Variants in TNRC6B observed in about 807,000 individuals in gnomAD.
TNRC6B encodes trinucleotide repeat-containing gene 6B protein.
TNRC6B carries 52 observed loss-of-function variants against 203.6 expected under a neutral mutation model. That is an observed-to-expected ratio of 0.26 (90% confidence interval 0.20 to 0.32). The LOEUF (loss-of-function observed/expected upper bound fraction) is 0.32, where lower values mean the gene tolerates loss of function less well. Ranked by LOEUF, TNRC6B falls within the 10% of genes least tolerant of loss-of-function variation. The pLI, the probability that TNRC6B is intolerant of heterozygous loss-of-function variation, is 1.00. For missense variants in TNRC6B, 1,923 were observed against 2,286.2 expected, an observed-to-expected ratio of 0.84 and a Z score of 3.24; for synonymous variants, 838 against 845.7, an observed-to-expected ratio of 0.99 and a Z score of 0.16.
At chr22:40,223,735 A>G (rs1489266884) in intron 1 of TNRC6B, among the ~76,000 whole-genome samples, 1 of 152,200 alleles carries the variant, frequency 6.6e-6, no homozygotes, top group Admixed American at 6.5e-5. Context: ...TATCCTTTGC[A>G]TATATAATTT....
At chr22:40,059,380 TG>T (rs1368495083) in intron 1 of TNRC6B, among the ~76,000 whole-genome samples, 3 of 152,260 alleles carry the variant, frequency 2.0e-5, no homozygotes, top group Non-Finnish European at 2.9e-5. Context: ...TAGATTTCGA[TG>T]TTTTTTTAAA....
chr22:40,126,134 A>G (rs955404275), intron 3 of TNRC6B, among the ~76,000 whole-genome samples: 1 of 152,240 alleles, frequency 6.6e-6, no homozygotes, highest in Non-Finnish European at 1.5e-5. Context: ...GAAAGTTACT[A>G]TAGGCTTATA....
intron 4 of TNRC6B, among the ~76,000 whole-genome samples, chr22:40,168,128 T>C (rs1456289724): frequency 1.3e-5 from 2 of 152,204 alleles, no homozygotes; most frequent in Non-Finnish European, 2.9e-5. Flanking sequence ...CTTACACTTT[T>C]TTGTTGATTG....
intron 17 of TNRC6B, 43 bp from the exon 18 acceptor site, chr22:40,312,462 T>G: frequency 1.3e-6 from 2 of 1,577,298 alleles, no homozygotes; most frequent in Non-Finnish European, 1.7e-6. Flanking sequence ...ATCATTTTTT[T>G]TTAACGACCT....
chr22:40,128,565 GGCTCACGGCTCACAGCTCACAGCTCACA>G (rs2068514562), intron 3 of TNRC6B, among the ~76,000 whole-genome samples: 1 of 150,728 alleles, frequency 6.6e-6, no homozygotes, highest in South Asian at 2.1e-4. Flanking sequence ...CACGGCTCAC[GGCTCACGGCTCACAGCTCACAGCTCACA>G]GCTCACTGCA....
At chr22:40,067,476 T>G (rs1423081340) in intron 1 of TNRC6B, among the ~76,000 whole-genome samples, 1 of 152,132 alleles carries the variant, frequency 6.6e-6, no homozygotes, top group African/African-American at 2.4e-5. Flanking sequence ...AATTGGCTCC[T>G]GTGATTATGA....
chr22:40,086,741 G>A (rs530223216), intron 1 of TNRC6B, among the ~76,000 whole-genome samples: 50 of 152,214 alleles, frequency 3.3e-4, no homozygotes, highest in African/African-American at 9.2e-4. Context: ...GAGTGTTTTC[G>A]TTTGTCGTTA....
chr22:40,120,185 C>T (rs2068430640), intron 2 of TNRC6B, among the ~76,000 whole-genome samples: 1 of 151,894 alleles, frequency 6.6e-6, no homozygotes, highest in East Asian at 1.9e-4. Context: ...TAGTGAAATC[C>T]CAACTCTACC....
intron 3 of TNRC6B, among the ~76,000 whole-genome samples, chr22:40,251,978 T>TA (rs2070201938): frequency 6.6e-6 from 1 of 152,204 alleles, no homozygotes; most frequent in South Asian, 2.1e-4. Flanking sequence ...TTAACTCTGC[T>TA]AAAAAATAGT....
chr22:40,214,568 A>G (rs1057479112), intron 1 of TNRC6B, among the ~76,000 whole-genome samples: 1 of 144,640 alleles, frequency 6.9e-6, no homozygotes, highest in African/African-American at 2.6e-5. Context: ...TTTATTTTGG[A>G]CAGAGTTTTT....
rs575641975 is a variant in TNRC6B, at chr22:40,263,520, C to T, written c.458-1168C>T. Reference sequence around the variant, plus strand: ...TGAGTCAGAGTCCACATTATTAAAACGGAGGAGGCCCCTAAATCTCGAGTT... The same window carrying T: ...TGAGTCAGAGTCCACATTATTAAAATGGAGGAGGCCCCTAAATCTCGAGTT... On this transcript the variant is annotated intron_variant, in intron 4 of 22. Transcript: ENST00000454349. Among the ~76,000 whole-genome samples the T allele has an allele frequency of 3.2e-4, 49 of 152,318 alleles. 1 individual carries two copies. The highest frequency in any genetic ancestry group is 1.0e-3 in the African/African-American group (43 of 41,564).
intron 1 of TNRC6B, among the ~76,000 whole-genome samples, chr22:40,048,561 T>C (rs1221583285): frequency 1.3e-5 from 2 of 150,666 alleles, no homozygotes; most frequent in Admixed American, 6.6e-5. Flanking sequence ...AAAAAAAAAT[T>C]TCCAAAACTC....
chr22:40,149,309 C>G (rs2068724360), intron 3 of TNRC6B, among the ~76,000 whole-genome samples: 1 of 152,122 alleles, frequency 6.6e-6, no homozygotes, highest in Non-Finnish European at 1.5e-5. Flanking sequence ...CCAGAAAATG[C>G]AGCTGCATCT....
At chr22:40,146,561 ATTTTTTTTTT>A (rs59901929) in intron 3 of TNRC6B, among the ~76,000 whole-genome samples, 3 of 109,240 alleles carry the variant, frequency 2.7e-5, no homozygotes, top group African/African-American at 3.7e-5. Flanking sequence ...CGCCCGGCTA[ATTTTTTTTTT>A]TTTTTTTTTT....
At chr22:40,176,622 A>G (rs2069064021), upstream of TNRC6B, among the ~76,000 whole-genome samples, 3 of 151,974 alleles carry the variant, frequency 2.0e-5, no homozygotes, top group African/African-American at 7.3e-5. Flanking sequence ...TTTACCTCCT[A>G]TGTGGTGTTT....
rs1257911802 is a variant in TNRC6B at position 40,327,211 on chromosome 22, C to G, written c.*3970C>G. ...GCCTTCGTACATACACCCAGACATCCTGAGCAAGGGGGACGCACATGTGTG... is the reference window on the plus strand; with the variant it reads ...GCCTTCGTACATACACCCAGACATCGTGAGCAAGGGGGACGCACATGTGTG... On this transcript the variant is annotated 3_prime_UTR_variant, in exon 23 of 23. Transcript: ENST00000454349. 6.5e-6 allele frequency: 1 copy of G among 152,788 alleles called. No homozygotes were observed. The highest frequency in any genetic ancestry group is 1.9e-4 in the East Asian group (1 of 5,198). 9.5% of individuals were successfully genotyped at this position (152,788 alleles called of 1,614,324 possible). A position where few individuals can be genotyped will look rare whatever the true frequency, so the allele number is the denominator to read the frequency against.
intron 13 of TNRC6B, 106 bp downstream of exon 13, chr22:40,300,692 G>A (rs904637761): frequency 2.5e-5 from 35 of 1,421,726 alleles, no homozygotes; most frequent in Admixed American, 4.9e-5. Flanking sequence ...TGTTCAAAGG[G>A]TGCTAGTCCA....
intron 3 of TNRC6B, among the ~76,000 whole-genome samples, chr22:40,132,969 A>AAAAAAAAATATATAT (rs1282694632): frequency 5.1e-5 from 4 of 78,186 alleles, no homozygotes; most frequent in Non-Finnish European, 7.9e-5. Context: ...AAAAAAAAAA[A>AAAAAAAAATATATAT]ATATATATAT....
At chr22:40,287,599 A>G (rs2070805857) in intron 12 of TNRC6B, among the ~76,000 whole-genome samples, 1 of 152,194 alleles carries the variant, frequency 6.6e-6, no homozygotes, top group Non-Finnish European at 1.5e-5. Flanking sequence ...CTTTAGACAG[A>G]GCCATTTCTG....
Sources: allele counts gnomAD v4.1 joint callset (sites outside exome capture counted in the v4.1 genomes callset), GRCh38; gene constraint gnomAD v4.1.1; transcripts MANE v1.5; gene names NCBI Gene and HGNC (gene_info 2026-07-23, HGNC 2026-07-21).